The following CHLSN variants were observed in gnomAD, a reference collection of about 807,000 sequenced individuals.
CHLSN encodes the protein cholesin, also known as protein cholesin.
chr7:1,013,247 T>C, the CHLSN span, among the ~76,000 whole-genome samples: 1 of 152,126 alleles, frequency 6.6e-6, no homozygotes, highest in Admixed American at 6.5e-5. Flanking sequence ...AGAACGCGGG[T>C]TTCACTAGCA....
chr7:1,109,745 G>T, the CHLSN span, among the ~76,000 whole-genome samples: 12 of 151,000 alleles, frequency 7.9e-5, no homozygotes, highest in Admixed American at 2.0e-4. Flanking sequence ...CTCCGTGGGC[G>T]GCGGAGCCCT....
the CHLSN span, chr7:1,028,280 C>A: frequency 9.3e-7 from 1 of 1,076,914 alleles, no homozygotes; most frequent in Admixed American, 5.1e-5. Context: ...TGTCAGGTCC[C>A]GCGGGCACGG....
the CHLSN span, chr7:1,093,463 G>A: frequency 2.1e-6 from 1 of 468,550 alleles, no homozygotes; most frequent in Non-Finnish European, 4.4e-6. Context: ...CAATGGCGCT[G>A]TGCGGCCTCA....
At chr7:981,050 C>A in the CHLSN span, among the ~76,000 whole-genome samples, 7 of 151,806 alleles carry the variant, frequency 4.6e-5, no homozygotes, top group Non-Finnish European at 8.8e-5. Flanking sequence ...AATCCCAGTG[C>A]TTTGGGAGGC....
At chr7:1,070,922 C>T in the CHLSN span, among the ~76,000 whole-genome samples, 3 of 116,064 alleles carry the variant, frequency 2.6e-5, no homozygotes, top group East Asian at 1.9e-4. Context: ...ACACACAGCA[C>T]GCACAGACAC....
At chr7:1,077,934 C>T in the CHLSN span, 1 of 152,292 alleles carries the variant, frequency 6.6e-6, no homozygotes, top group Non-Finnish European at 1.5e-5. Flanking sequence ...CCGCCAACTG[C>T]TCCGTGACCG....
the CHLSN span, among the ~76,000 whole-genome samples, chr7:1,034,325 A>G: frequency 6.6e-6 from 1 of 152,252 alleles, no homozygotes; most frequent in Admixed American, 6.5e-5. Context: ...CAGACAGCAG[A>G]GTCAAGACAT....
the CHLSN span, among the ~76,000 whole-genome samples, chr7:1,012,667 C>G: frequency 1.3e-4 from 20 of 152,208 alleles, no homozygotes; most frequent in Non-Finnish European, 2.1e-4. Flanking sequence ...TGACACTGGC[C>G]GGTGCACCTT....
At chr7:1,075,965 C>T in the CHLSN span, 1 of 152,056 alleles carries the variant, frequency 6.6e-6, no homozygotes, top group Non-Finnish European at 1.5e-5. Context: ...GTCTGAGTCA[C>T]CAAAGCCCGG....
At chr7:1,002,710 A>G in the CHLSN span, among the ~76,000 whole-genome samples, 1 of 58,484 alleles carries the variant, frequency 1.7e-5, no homozygotes, top group Non-Finnish European at 3.0e-5. Flanking sequence ...CCTGTGGGTG[A>G]GTGGAGCCCT....
chr7:1,028,801 C>A, the CHLSN span: 1 of 885,946 alleles, frequency 1.1e-6, no homozygotes, highest in Non-Finnish European at 1.3e-6. Flanking sequence ...TATCGCTCCC[C>A]CAATCTGACT....
chr7:1,060,543 C>G, the CHLSN span, among the ~76,000 whole-genome samples: 1 of 152,176 alleles, frequency 6.6e-6, no homozygotes, highest in Admixed American at 6.5e-5. Flanking sequence ...GGACGTCACG[C>G]TCTGGTCCCA....
chr7:1,089,595 C>G, the CHLSN span, among the ~76,000 whole-genome samples: 1 of 151,520 alleles, frequency 6.6e-6, no homozygotes, highest in Non-Finnish European at 1.5e-5. Context: ...CTTTTTTTGT[C>G]TTTTTTTAGT....
chr7:1,024,723 G>A, the CHLSN span: 1 of 152,186 alleles, frequency 6.6e-6, no homozygotes, highest in Non-Finnish European at 1.5e-5. Context: ...CTGGACGGGA[G>A]GGACACCCAG....
chr7:1,124,101 C>G, the CHLSN span, among the ~76,000 whole-genome samples: 1 of 152,368 alleles, frequency 6.6e-6, no homozygotes, highest in South Asian at 2.1e-4. Flanking sequence ...GAAACAAAGG[C>G]TTTCTTCTTT....
At chr7:1,093,054 C>G in the CHLSN span, 1 of 711,496 alleles carries the variant, frequency 1.4e-6, no homozygotes, top group Non-Finnish European at 2.6e-6. Flanking sequence ...ACCTTGCACT[C>G]CTCACACAGA....
At chr7:1,117,373 A>G in the CHLSN span, among the ~76,000 whole-genome samples, 1 of 102,282 alleles carries the variant, frequency 9.8e-6, no homozygotes. Flanking sequence ...AGCTCTACGG[A>G]CCGGCTTCCA....
chr7:994,458 G>A, the CHLSN span, among the ~76,000 whole-genome samples: 2 of 151,936 alleles, frequency 1.3e-5, no homozygotes, highest in African/African-American at 4.8e-5. Flanking sequence ...ACTAAATTTA[G>A]TGCTCACCGC....
the CHLSN span, among the ~76,000 whole-genome samples, chr7:985,946 G>T: frequency 6.6e-6 from 1 of 152,242 alleles, no homozygotes; most frequent in African/African-American, 2.4e-5. Flanking sequence ...AGAGCAGGGG[G>T]CACAGCTTCC....
Sources: gnomAD v4.1 joint callset for allele counts (sites outside exome capture counted in the v4.1 genomes callset) on GRCh38, gnomAD v4.1.1 for gene constraint, MANE v1.5 for transcripts, NCBI Gene and HGNC (gene_info 2026-07-23, HGNC 2026-07-21) for gene names.